The following FOXO3 variants were observed in gnomAD, a reference collection of about 807,000 sequenced individuals.
The protein encoded by FOXO3 is forkhead box protein O3.
Under a neutral mutation model 41.9 loss-of-function variants are expected in FOXO3, and 4 were observed. The ratio of observed to expected loss-of-function variants is 0.10; its 90% CI spans 0.05 to 0.22. The LOEUF is 0.22. Ranked by LOEUF, FOXO3 falls within the 10% of genes least tolerant of loss-of-function variation. FOXO3 has a pLI of 1.00. For synonymous variants in FOXO3, 318 were observed against 389.3 expected (o/e 0.82, Z 2.16); for missense variants, 534 against 906.8 (o/e 0.59, Z 5.28).
At position 108,569,863 on chromosome 6, in the gene FOXO3, G is replaced by A. The variant is rs556034607; in HGVS notation, c.621+8034G>A. Among the ~76,000 whole-genome samples the A allele has an allele frequency of 3.9e-5, 6 of 152,064 alleles. No individual in the cohort carries two copies. In the East Asian group the frequency reaches 1.2e-3, roughly 29 times the overall value. On this transcript the variant is annotated intron_variant, in intron 1 of 2. Transcript: ENST00000406360. ...GCATACATTACCTTCCTTCTGGAGT[G>A]AACCTATAGTAAACCCAACAGAGAT...
chr6:108,567,441 C>A (rs1488865936), intron 1 of FOXO3, among the ~76,000 whole-genome samples: 1 of 152,190 alleles, frequency 6.6e-6, no homozygotes, highest in Non-Finnish European at 1.5e-5. Flanking sequence ...TGGCCTTCCT[C>A]TGGAGTGGAT....
chr6:108,613,098 T>C (rs928871558), intron 1 of FOXO3, among the ~76,000 whole-genome samples: 1 of 152,270 alleles, frequency 6.6e-6, no homozygotes, highest in Non-Finnish European at 1.5e-5. Flanking sequence ...CTTACATTCC[T>C]GGGATAAATC....
intron 1 of FOXO3, chr6:108,618,372 C>A: frequency 1.9e-6 from 1 of 534,202 alleles, no homozygotes; most frequent in Non-Finnish European, 3.4e-6. Context: ...CACCAGGAGC[C>A]ACAGAAGAAG....
At chr6:108,657,861 A>G (rs142026901) in intron 1 of FOXO3, among the ~76,000 whole-genome samples, 11 of 152,324 alleles carry the variant, frequency 7.2e-5, no homozygotes, top group Non-Finnish European at 1.2e-4. Flanking sequence ...TGCTTTACCA[A>G]CATTTAAGTA....
At chr6:108,629,373 C>T (rs780141275) in intron 1 of FOXO3, among the ~76,000 whole-genome samples, 16 of 152,146 alleles carry the variant, frequency 1.1e-4, no homozygotes, top group Non-Finnish European at 2.2e-4. Flanking sequence ...TCCTCTGGGG[C>T]TCTTAAGATC....
At position 108,673,519 on chromosome 6, in the gene FOXO3, A is replaced by G. The variant is rs549501049; in HGVS notation, c.*35-6308A>G. Among the ~76,000 whole-genome samples the G allele has an allele frequency of 2.5e-4, 38 of 152,322 alleles. 1 individual carries two copies. In the South Asian group the frequency reaches 7.3e-3, roughly 29 times the overall value. ...TCATACCTTACAGGTGGTTTGGACT[A>G]TTTGTAGAACTCAACTAGCTGATTC... On this transcript the variant is annotated intron_variant, in intron 2 of 2. Coordinates refer to ENST00000406360, the MANE Select transcript of FOXO3 (RefSeq NM_001455.4).
intron 1 of FOXO3, among the ~76,000 whole-genome samples, chr6:108,659,968 G>C (rs1778796307): frequency 6.6e-6 from 1 of 152,144 alleles, no homozygotes; most frequent in African/African-American, 2.4e-5. Flanking sequence ...TTAAAATATT[G>C]TTCCCTAAAT....
chr6:108,573,195 T>G (rs1010192633), intron 1 of FOXO3, among the ~76,000 whole-genome samples: 23 of 151,336 alleles, frequency 1.5e-4, no homozygotes, highest in Non-Finnish European at 2.7e-4. Context: ...GCTGAGGCAG[T>G]AGAATGGCGT....
At chr6:108,645,204 T>C (rs1778363148) in intron 1 of FOXO3, among the ~76,000 whole-genome samples, 1 of 152,214 alleles carries the variant, frequency 6.6e-6, no homozygotes, top group African/African-American at 2.4e-5. Flanking sequence ...AAGCATAAAC[T>C]TAACCAAGTT....
chr6:108,635,831 C>T (rs1402333877), intron 1 of FOXO3, among the ~76,000 whole-genome samples: 2 of 152,228 alleles, frequency 1.3e-5, no homozygotes, highest in African/African-American at 2.4e-5. Context: ...TGCTGACCTA[C>T]TGCCTCTGTC....
intron 1 of FOXO3, among the ~76,000 whole-genome samples, chr6:108,598,401 G>C (rs1440409011): frequency 6.6e-6 from 1 of 152,114 alleles, no homozygotes; most frequent in Non-Finnish European, 1.5e-5. Flanking sequence ...GGGATGACAG[G>C]GGATTACCAA....
At chr6:108,620,149 A>G (rs181117217) in intron 1 of FOXO3, among the ~76,000 whole-genome samples, 44 of 152,278 alleles carry the variant, frequency 2.9e-4, no homozygotes, top group Middle Eastern at 6.8e-3. Context: ...CTTTAAGTTA[A>G]TAAATTCTTT....
At chr6:108,651,907 T>G (rs1162672494) in intron 1 of FOXO3, among the ~76,000 whole-genome samples, 1 of 152,264 alleles carries the variant, frequency 6.6e-6, no homozygotes, top group Non-Finnish European at 1.5e-5. Context: ...TCACATAGTT[T>G]TAGAGCAAGC....
chr6:108,597,292 C>CTT (rs1776912768), intron 1 of FOXO3, among the ~76,000 whole-genome samples: 1 of 152,186 alleles, frequency 6.6e-6, no homozygotes, highest in South Asian at 2.1e-4. Flanking sequence ...GAGATTTACT[C>CTT]TTTTCAACTT....
chr6:108,657,208 G>A (rs1421778892), intron 1 of FOXO3, among the ~76,000 whole-genome samples: 1 of 151,096 alleles, frequency 6.6e-6, no homozygotes, highest in Non-Finnish European at 1.5e-5. Context: ...TAGACACATT[G>A]TGATAGAGGT....
intron 1 of FOXO3, among the ~76,000 whole-genome samples, chr6:108,600,806 TTAAA>T (rs1166985183): frequency 6.6e-6 from 1 of 152,140 alleles, no homozygotes; most frequent in Non-Finnish European, 1.5e-5. Flanking sequence ...TTTTATGTCA[TTAAA>T]TAATCATCAA....
At chr6:108,644,692 C>G (rs1019859668) in intron 1 of FOXO3, among the ~76,000 whole-genome samples, 7 of 152,160 alleles carry the variant, frequency 4.6e-5, no homozygotes, top group African/African-American at 7.2e-5. Context: ...CACCCATCCG[C>G]TCCATCCTCT....
chr6:108,641,112 G>A (rs889560863), intron 1 of FOXO3, among the ~76,000 whole-genome samples: 1 of 152,044 alleles, frequency 6.6e-6, no homozygotes, highest in Non-Finnish European at 1.5e-5. Flanking sequence ...GTTTCACCAT[G>A]TTGGCCAGGC....
intron 1 of FOXO3, among the ~76,000 whole-genome samples, chr6:108,590,878 A>T (rs572657628): frequency 6.6e-6 from 1 of 152,192 alleles, no homozygotes; most frequent in Non-Finnish European, 1.5e-5. Flanking sequence ...CAGCTTTCAG[A>T]TTGGAGATAA....
Sources: allele counts gnomAD v4.1 joint callset (sites outside exome capture counted in the v4.1 genomes callset), GRCh38; gene constraint gnomAD v4.1.1; transcripts MANE v1.5; gene names NCBI Gene and HGNC (gene_info 2026-07-23, HGNC 2026-07-21).